The following SEC14L6 variants were observed in gnomAD, a reference collection of about 807,000 sequenced individuals.
SEC14L6 encodes the protein SEC14-like protein 6.
A neutral mutation model predicts 54.1 loss-of-function variants in SEC14L6; 40 were observed. The observed-to-expected ratio is 0.74, with a 90% CI of 0.57 to 0.96. SEC14L6 has a LOEUF of 0.96. SEC14L6 is among the 40% of genes least tolerant of loss of function. The pLI is 0.00. For synonymous variants in SEC14L6, 171 were observed against 198.4 expected, an observed-to-expected ratio of 0.86 and a Z score of 1.16; for missense variants, 471 against 498.3, an observed-to-expected ratio of 0.95 and a Z score of 0.52.
At chr22:30,543,339 G>C in intron 1 of SEC14L6, 1 of 1,571,812 alleles carries the variant, frequency 6.4e-7, no homozygotes, top group East Asian at 2.2e-5. Context: ...CCACCTTGGA[G>C]GTTACTCAAC....
intron 1 of SEC14L6, among the ~76,000 whole-genome samples, chr22:30,546,383 CAAAA>C (rs915640201): frequency 2.9e-3 from 143 of 49,856 alleles, no homozygotes; most frequent in African/African-American, 0.01. Context: ...AACTCCGTCT[CAAAA>C]AAAAAAAAAA....
chr22:30,544,734 G>A (rs2085781183), intron 1 of SEC14L6, among the ~76,000 whole-genome samples: 1 of 151,990 alleles, frequency 6.6e-6, no homozygotes, highest in Non-Finnish European at 1.5e-5. Context: ...ACTCCCTGGG[G>A]CCCAACTGTG....
intron 2 of SEC14L6, among the ~76,000 whole-genome samples, chr22:30,534,663 A>AC (rs1194091630): frequency 6.6e-6 from 1 of 151,536 alleles, no homozygotes; most frequent in African/African-American, 2.4e-5. Flanking sequence ...CGCCTGCCTC[A>AC]CCCCCCAGAA....
At chr22:30,530,329 G>C (rs954667065) in intron 6 of SEC14L6, among the ~76,000 whole-genome samples, 2 of 152,166 alleles carry the variant, frequency 1.3e-5, no homozygotes, top group Non-Finnish European at 2.9e-5. Context: ...AGCATCACTT[G>C]AACCCGTTAG....
chr22:30,526,523 T>C (rs1050263904), intron 8 of SEC14L6, among the ~76,000 whole-genome samples: 1 of 152,098 alleles, frequency 6.6e-6, no homozygotes, highest in African/African-American at 2.4e-5. Flanking sequence ...TGTATAAGCA[T>C]GAAAGCGGTG....
chr22:30,541,158 T>G (rs1456120822), intron 1 of SEC14L6, among the ~76,000 whole-genome samples: 1 of 152,170 alleles, frequency 6.6e-6, no homozygotes, highest in Non-Finnish European at 1.5e-5. Context: ...TGTTTTCTTT[T>G]TAAAAGATTC....
At position 30,529,488 on chromosome 22, in the gene SEC14L6, C is replaced by T. The variant is rs373867118; in HGVS notation, c.520-139G>A. 144 of 678,402 alleles carry T rather than the reference C, an allele frequency of 2.1e-4. 1 individual carries two copies. The highest frequency in any genetic ancestry group is 9.8e-4 in the Middle Eastern group (3 of 3,068). The allele number at this position is 678,402 out of a possible 1,614,324, so 42.0% of individuals were successfully genotyped here. ...CCAAGGCTTTGATGCAGACGGCTCC[C>T]GATGCCCAGACACCAAGAACCCACC... On this transcript the variant is annotated intron_variant, in intron 6 of 11. Coordinates refer to ENST00000402034, the MANE Select transcript of SEC14L6 (RefSeq NM_001193336.4).
Position 30,543,252 on chromosome 22 carries a change from C to T in SEC14L6, c.54+3377G>A, listed in dbSNP as rs944087709. 5.0e-6 allele frequency: 8 copies of T among 1,595,254 alleles called. No homozygotes were observed. In the South Asian group the frequency reaches 6.6e-5, roughly 13 times the overall value. On this transcript the variant is annotated intron_variant, in intron 1 of 11. Transcript: ENST00000402034. Reference sequence around the variant, plus strand: ...GGGACATTCACTCTCAAGTCATCTGCGAGGTGGCCCACGTCACCTTGCGGG... The same window carrying T: ...GGGACATTCACTCTCAAGTCATCTGTGAGGTGGCCCACGTCACCTTGCGGG...
In SEC14L6 at chr22:30,525,362, G is replaced by A. The variant is rs1214065963; in HGVS notation, c.1069C>T (p.Gln357Ter). The change falls in exon 11 of 12, where the codon CAG becomes TAG. Residue 357 changes from glutamine to a stop codon, truncating the protein, a stop_gained. Coordinates refer to ENST00000402034, the MANE Select transcript of SEC14L6 (RefSeq NM_001193336.4). LOFTEE classifies it high-confidence loss of function. ...VPEDGILTCL[Q>*]AGSYVLRFYN... ...TGCCAACTCTTACAGCTGCCGGCCTGGAGGCAGGTGAGAATCCCATCTTCA... is the reference window on the plus strand; with the variant it reads ...TGCCAACTCTTACAGCTGCCGGCCTAGAGGCAGGTGAGAATCCCATCTTCA... 1.2e-6 allele frequency: 2 copies of A among 1,614,030 alleles called. No individual in the cohort carries two copies. Among genetic ancestry groups the A allele is most frequent in the Non-Finnish European group, 1.7e-6 (2 of 1,180,018 alleles).
At chr22:30,535,937 C>T (rs1157383450) in intron 2 of SEC14L6, among the ~76,000 whole-genome samples, 1 of 144,956 alleles carries the variant, frequency 6.9e-6, no homozygotes, top group East Asian at 2.0e-4. Flanking sequence ...CCATGTTGTC[C>T]AGGCTAGTCT....
At chr22:30,535,330 G>A (rs75871379) in intron 2 of SEC14L6, among the ~76,000 whole-genome samples, 3,579 of 152,330 alleles carry the variant, frequency 0.023, 110 homozygotes, top group African/African-American at 0.08. Context: ...TTGGCTCACT[G>A]GCTTTGCAGC....
rs191293394 is a variant in SEC14L6 at position 30,546,322 on chromosome 22, G to T, written c.54+307C>A. On this transcript the variant is annotated intron_variant, in intron 1 of 11. Coordinates refer to ENST00000402034, the MANE Select transcript of SEC14L6 (RefSeq NM_001193336.4). The stretch of plus-strand genomic sequence containing the variant: ...TGCTTGAACCCAGAAGGCAGAAGTT[G>T]CAGTGAGCCAAGATTGTGCCGTTGT... Among the ~76,000 whole-genome samples, 79 of 146,208 alleles carry T rather than the reference G, an allele frequency of 5.4e-4. 1 individual carries two copies. Among genetic ancestry groups the T allele is most frequent in the South Asian group, 4.7e-3 (22 of 4,672 alleles).
intron 1 of SEC14L6, among the ~76,000 whole-genome samples, chr22:30,545,803 T>G (rs1319082175): frequency 1.3e-5 from 2 of 151,736 alleles, no homozygotes; most frequent in Non-Finnish European, 2.9e-5. Flanking sequence ...TCTTTTTAGG[T>G]TTTTTTTGTT....
At chr22:30,539,751 A>G (rs1302560055) in intron 1 of SEC14L6, among the ~76,000 whole-genome samples, 2 of 152,220 alleles carry the variant, frequency 1.3e-5, no homozygotes, top group African/African-American at 4.8e-5. Flanking sequence ...TAGGGTTGAA[A>G]TGATGGACTG....
intron 1 of SEC14L6, 97 bp from the exon 2 acceptor site, chr22:30,538,999 G>C: frequency 1.3e-6 from 1 of 789,020 alleles, no homozygotes; most frequent in Non-Finnish European, 2.1e-6. Flanking sequence ...TGAGTGAAGA[G>C]GTCCCACTCG....
In SEC14L6 at chr22:30,525,861, T is replaced by G. The variant is rs779449364; in HGVS notation, c.736A>C (p.Thr246Pro). Residue 246 changes from threonine to proline, a missense_variant, in exon 9 of 12, where the codon ACT (threonine) becomes CCT (proline). Thr to Pro is a conservative substitution (Grantham distance 38). Transcript: ENST00000402034. ...QLPVEFGGTM[T>P]DPDGNPKCLT... The stretch of plus-strand genomic sequence containing the variant: ...CACTTGGGGTTGCCATCGGGGTCAG[T>G]CATGGTCCCCCCAAACTCCACGGGC... 1.1e-5 allele frequency: 18 copies of G among 1,613,670 alleles called. No homozygotes were observed. The South Asian group carries it at 1.9e-4, about 17-fold the overall frequency.
In SEC14L6 at chr22:30,525,940, G is replaced by A; in HGVS notation, c.665-8C>T. ...GCTCCTGCTTCCAGTTGTCTGCATG[G>A]GAGCAAGAGAGGGACTCCAAAGGGA... is the stretch of plus-strand genomic sequence containing the variant. On this transcript the variant is annotated splice_region_variant and splice_polypyrimidine_tract_variant and intron_variant, in intron 8 of 11. Transcript: ENST00000402034. 6.3e-7 allele frequency: 1 copy of A among 1,591,480 alleles called. No homozygotes were observed. The highest frequency in any genetic ancestry group is 8.6e-7 in the Non-Finnish European group (1 of 1,167,564).
intron 6 of SEC14L6, among the ~76,000 whole-genome samples, 200 bp downstream of exon 6, chr22:30,531,703 A>AAC (rs1225645723): frequency 1.3e-5 from 2 of 152,182 alleles, no homozygotes; most frequent in Non-Finnish European, 2.9e-5. Context: ...TAGTCTGGGC[A>AAC]ACAAGAGCGA....
intron 3 of SEC14L6, chr22:30,533,130 C>A (rs958749131): frequency 1.1e-5 from 11 of 985,320 alleles, no homozygotes; most frequent in Non-Finnish European, 1.3e-5. Context: ...TTTCCCATGC[C>A]CCCTCCCGCA....
Sources: gnomAD v4.1 joint callset for allele counts (sites outside exome capture counted in the v4.1 genomes callset) on GRCh38, gnomAD v4.1.1 for gene constraint, MANE v1.5 for transcripts, NCBI Gene and HGNC (gene_info 2026-07-23, HGNC 2026-07-21) for gene names.